Variants in DROSHA observed in about 807,000 individuals in gnomAD.
DROSHA encodes the protein ribonuclease 3.
In DROSHA, 56 loss-of-function variants were observed where a neutral mutation model predicts 181.9. The observed-to-expected ratio is 0.31, with a 90% CI of 0.25 to 0.38. The LOEUF (loss-of-function observed/expected upper bound fraction) is 0.38. Ranked by LOEUF, DROSHA falls within the 10% of genes least tolerant of loss-of-function variation. The pLI is 1.00. For synonymous variants in DROSHA, 524 were observed against 591.2 expected (o/e 0.89, Z 1.65); for missense variants, 1,218 against 1,743.5 (o/e 0.70, Z 5.37).
At chr5:31,437,192 A>G (rs773596206) in intron 24 of DROSHA, 47 bp downstream of exon 24, 6 of 1,527,986 alleles carry the variant, frequency 3.9e-6, no homozygotes, top group Non-Finnish European at 3.5e-6. Context: ...TGTTACCTAT[A>G]AAATGTAATT....
chr5:31,406,490 C>CA (rs879383121), intron 34 of DROSHA, among the ~76,000 whole-genome samples: 143 of 142,612 alleles, frequency 1.0e-3, no homozygotes, highest in African/African-American at 1.6e-3. Flanking sequence ...ACTCTGTCTC[C>CA]AAAAAAAAAA....
intron 22 of DROSHA, 95 bp downstream of exon 22, chr5:31,449,179 TGAAAGAG>T: frequency 7.0e-7 from 1 of 1,437,882 alleles, no homozygotes; most frequent in South Asian, 1.4e-5. Context: ...TATGAGACGG[TGAAAGAG>T]TCACCCAGGG....
chr5:31,489,076 G>A (rs1051617981), intron 13 of DROSHA: 1 of 152,158 alleles, frequency 6.6e-6, no homozygotes, highest in African/African-American at 2.4e-5. Context: ...CATTTCAAAA[G>A]GCAATCTAAA....
chr5:31,461,581 A>G (rs545930519), intron 20 of DROSHA, among the ~76,000 whole-genome samples: 1 of 152,298 alleles, frequency 6.6e-6, no homozygotes, highest in Non-Finnish European at 1.5e-5. Flanking sequence ...TCCCACATTC[A>G]TAAAAACAGT....
intron 20 of DROSHA, among the ~76,000 whole-genome samples, chr5:31,452,458 T>G (rs1316119420): frequency 6.6e-6 from 1 of 152,176 alleles, no homozygotes; most frequent in African/African-American, 2.4e-5. Flanking sequence ...AAATTCCTTA[T>G]TGGGAGATAA....
At chr5:31,403,353 C>T (rs1740256861) in intron 35 of DROSHA, among the ~76,000 whole-genome samples, 1 of 152,068 alleles carries the variant, frequency 6.6e-6, no homozygotes, top group Non-Finnish European at 1.5e-5. Context: ...CCTTATAGCC[C>T]TTTTCCTATG....
intron 23 of DROSHA, among the ~76,000 whole-genome samples, chr5:31,441,847 T>C (rs933546642): frequency 1.3e-5 from 2 of 152,198 alleles, no homozygotes; most frequent in African/African-American, 4.8e-5. Flanking sequence ...TTTATCTTCT[T>C]CCTAATAGTG....
intron 8 of DROSHA, among the ~76,000 whole-genome samples, chr5:31,513,072 A>G (rs1738871181): frequency 6.6e-6 from 1 of 152,190 alleles, no homozygotes; most frequent in Non-Finnish European, 1.5e-5. Flanking sequence ...TCATGGCAGT[A>G]AGGAAAAATG....
At chr5:31,511,490 G>A (rs564479171) in intron 8 of DROSHA, among the ~76,000 whole-genome samples, 46 of 152,170 alleles carry the variant, frequency 3.0e-4, no homozygotes, top group African/African-American at 1.0e-3. Context: ...AGGATTGCTC[G>A]AGGCCAGGAG....
chr5:31,494,889 C>T lies in DROSHA; in HGVS notation c.1755+397G>A, dbSNP rs550354590. Among the ~76,000 whole-genome samples the T allele has an allele frequency of 1.3e-3, 195 of 150,736 alleles. 1 individual carries two copies. The highest frequency in any genetic ancestry group is 6.8e-3 in the Middle Eastern group (2 of 292). Reference sequence around the variant, plus strand: ...TGGGGTTTCACCGTGTTAGCCAGGACGGTCTCGATCTCCTGACCTTGTGAT... The same window carrying T: ...TGGGGTTTCACCGTGTTAGCCAGGATGGTCTCGATCTCCTGACCTTGTGAT... On this transcript the variant is annotated intron_variant, in intron 12 of 35. Coordinates refer to ENST00000344624, the MANE Select transcript of DROSHA (RefSeq NM_001382508.1).
At chr5:31,479,056 A>G (rs1451174275) in intron 16 of DROSHA, among the ~76,000 whole-genome samples, 1 of 152,206 alleles carries the variant, frequency 6.6e-6, no homozygotes, top group Admixed American at 6.5e-5. Context: ...ATGTCCATCC[A>G]TACTATAAAA....
chr5:31,448,727 CCTGT>C, intron 22 of DROSHA, 120 bp from the exon 23 acceptor site: 3 of 735,182 alleles, frequency 4.1e-6, no homozygotes, highest in Non-Finnish European at 6.7e-6. Context: ...TTGGAATCTA[CCTGT>C]CTAAAAGTGT....
At chr5:31,428,070 C>A (rs1179494979) in intron 27 of DROSHA, among the ~76,000 whole-genome samples, 1 of 152,170 alleles carries the variant, frequency 6.6e-6, no homozygotes, top group Non-Finnish European at 1.5e-5. Flanking sequence ...CTGTATTAAA[C>A]GCTGCACATG....
intron 20 of DROSHA, among the ~76,000 whole-genome samples, chr5:31,463,539 C>T (rs1402410663): frequency 6.6e-6 from 1 of 152,176 alleles, no homozygotes; most frequent in Admixed American, 6.5e-5. Context: ...AGCCTGAGTA[C>T]TCATTTCCTT....
At chr5:31,518,241 A>T (rs1329436009) in intron 6 of DROSHA, among the ~76,000 whole-genome samples, 1 of 152,252 alleles carries the variant, frequency 6.6e-6, no homozygotes, top group Non-Finnish European at 1.5e-5. Context: ...CAGTAAAAAA[A>T]TAAGGTATTA....
In DROSHA at chr5:31,406,963, G is replaced by T; in HGVS notation, c.3855-18C>A. ...GCAGAGTCCTGAAAGGGAAAGGAAA[G>T]AACATTTATTATGGTAAAGTGTTAT... On this transcript the variant is annotated intron_variant, in intron 33 of 35. Transcript: ENST00000344624. The T allele has an allele frequency of 6.2e-7, 1 of 1,605,916 alleles. No homozygotes were observed. The highest frequency in any genetic ancestry group is 8.5e-7 in the Non-Finnish European group (1 of 1,173,428).
At chr5:31,449,154 C>T (rs978641883) in intron 22 of DROSHA, 127 bp downstream of exon 22, 42 of 1,189,636 alleles carry the variant, frequency 3.5e-5, no homozygotes, top group Non-Finnish European at 4.4e-5. Context: ...AAAAAAGAGT[C>T]AGTAAGCACT....
chr5:31,418,440 T>A (rs1742244390), intron 30 of DROSHA, among the ~76,000 whole-genome samples: 1 of 152,002 alleles, frequency 6.6e-6, no homozygotes, highest in African/African-American at 2.4e-5. Context: ...AGCTAGTTTT[T>A]TATTTTATTG....
rs146843842 is a variant in DROSHA, at chr5:31,443,344, A to G, written c.2882+5203T>C. On this transcript the variant is annotated intron_variant, in intron 23 of 35. Coordinates refer to ENST00000344624, the MANE Select transcript of DROSHA (RefSeq NM_001382508.1). ...AGATTTTTATGCATTATATGTAGCAATGACTCTCCAAAAGAAAAAAAAAAT... is the reference window on the plus strand; with the variant it reads ...AGATTTTTATGCATTATATGTAGCAGTGACTCTCCAAAAGAAAAAAAAAAT... 1.3e-3 allele frequency among the ~76,000 whole-genome samples: 205 copies of G among 151,972 alleles called. 1 individual carries two copies. Among genetic ancestry groups the G allele is most frequent in the African/African-American group, 4.5e-3 (188 of 41,458 alleles).
Sources: gnomAD v4.1 joint callset for allele counts (sites outside exome capture counted in the v4.1 genomes callset) on GRCh38, gnomAD v4.1.1 for gene constraint, MANE v1.5 for transcripts, NCBI Gene and HGNC (gene_info 2026-07-23, HGNC 2026-07-21) for gene names.